Variants in CSMD1 observed in about 807,000 individuals in gnomAD.
CSMD1 encodes CUB and sushi domain-containing protein 1.
In CSMD1, 213 loss-of-function variants were observed where a neutral mutation model predicts 417.5. The ratio of observed to expected loss-of-function variants is 0.51; its 90% CI spans 0.46 to 0.57. CSMD1 has a LOEUF of 0.57. Among genes scored for constraint, CSMD1 ranks in the 20% least tolerant of loss-of-function variants. The probability of loss-of-function intolerance (pLI) is 0.00; values close to 1 mark genes in which losing one functional copy is unlikely to be tolerated. For synonymous variants in CSMD1, 2,862 were observed against 1,736.8 expected (o/e 1.65, Z -16.11); for missense variants, 6,923 against 4,529.7 (o/e 1.53, Z -15.17).
At chr8:3,696,564 A>G (rs1397406048) in intron 7 of CSMD1, among the ~76,000 whole-genome samples, 1 of 152,206 alleles carries the variant, frequency 6.6e-6, no homozygotes, top group Non-Finnish European at 1.5e-5. Context: ...ATTTAATCCA[A>G]TTAGTGTGGT....
At chr8:4,131,339 A>G (rs916729275) in intron 3 of CSMD1, among the ~76,000 whole-genome samples, 7 of 152,156 alleles carry the variant, frequency 4.6e-5, no homozygotes, top group African/African-American at 1.7e-4. Flanking sequence ...TTCATCTTCC[A>G]CTTGGTGACA....
intron 5 of CSMD1, among the ~76,000 whole-genome samples, chr8:3,982,197 A>AATAAT (rs199836458): frequency 3.8e-5 from 4 of 105,540 alleles, no homozygotes; most frequent in Admixed American, 2.5e-4. Context: ...TAATATTAAT[A>AATAAT]AAAAAAATAA....
chr8:4,904,591 A>T (rs539016212), intron 1 of CSMD1, among the ~76,000 whole-genome samples: 1 of 152,138 alleles, frequency 6.6e-6, no homozygotes, highest in African/African-American at 2.4e-5. Context: ...AGTGAATATC[A>T]TTAAGCACAT....
intron 54 of CSMD1, among the ~76,000 whole-genome samples, chr8:2,985,089 C>T (rs957588146): frequency 3.3e-5 from 5 of 152,108 alleles, no homozygotes; most frequent in South Asian, 2.1e-4. Flanking sequence ...GGCCTCAAAG[C>T]GACTCAAAAT....
chr8:4,190,044 G>C (rs1647308), intron 3 of CSMD1, among the ~76,000 whole-genome samples: 2 of 151,524 alleles, frequency 1.3e-5, no homozygotes, highest in African/African-American at 4.9e-5. Flanking sequence ...AGAACACGAG[G>C]TCAGGAGATC....
intron 1 of CSMD1, among the ~76,000 whole-genome samples, chr8:4,951,630 C>T (rs981493253): frequency 2.7e-5 from 4 of 150,502 alleles, no homozygotes; most frequent in Admixed American, 6.6e-5. Flanking sequence ...CTGTGAATGA[C>T]TTCTGGGACT....
intron 3 of CSMD1, among the ~76,000 whole-genome samples, chr8:4,335,756 G>C (rs914589756): frequency 6.6e-6 from 1 of 152,080 alleles, no homozygotes; most frequent in Non-Finnish European, 1.5e-5. Context: ...CAACAAGATA[G>C]AGTCATCAAT....
At chr8:3,504,955 A>G (rs943177374) in intron 10 of CSMD1, among the ~76,000 whole-genome samples, 2 of 152,130 alleles carry the variant, frequency 1.3e-5, no homozygotes, top group Non-Finnish European at 2.9e-5. Flanking sequence ...AAGCACAACA[A>G]CAAAGATTAA....
At chr8:3,903,416 A>C (rs2129134930) in intron 5 of CSMD1, among the ~76,000 whole-genome samples, 1 of 152,326 alleles carries the variant, frequency 6.6e-6, no homozygotes, top group Non-Finnish European at 1.5e-5. Context: ...CCAGAGCATT[A>C]ATATTAATGT....
At chr8:3,878,041 T>C (rs1805947339) in intron 5 of CSMD1, among the ~76,000 whole-genome samples, 1 of 152,090 alleles carries the variant, frequency 6.6e-6, no homozygotes, top group African/African-American at 2.4e-5. Context: ...AGTACCTCCA[T>C]CTAATTACAT....
At chr8:4,910,435 C>T (rs1805584320) in intron 1 of CSMD1, among the ~76,000 whole-genome samples, 7 of 152,050 alleles carry the variant, frequency 4.6e-5, no homozygotes, top group Admixed American at 4.6e-4. Context: ...CTGAGAAGTC[C>T]AGGATCAAGT....
intron 10 of CSMD1, among the ~76,000 whole-genome samples, chr8:3,524,364 C>T (rs182165881): frequency 6.0e-4 from 91 of 151,796 alleles, no homozygotes; most frequent in Non-Finnish European, 9.9e-4. Flanking sequence ...GACAGGCGCA[C>T]ACAAGTGCAC....
intron 1 of CSMD1, among the ~76,000 whole-genome samples, chr8:4,747,534 T>C (rs1676943): frequency 0.2 from 29,678 of 152,116 alleles, 3,750 homozygotes; most frequent in African/African-American, 0.36. Context: ...TACACTGATA[T>C]TTGTCTTAAT....
At chr8:3,483,790 A>G (rs1817873879) in intron 11 of CSMD1, among the ~76,000 whole-genome samples, 1 of 152,300 alleles carries the variant, frequency 6.6e-6, no homozygotes, top group Non-Finnish European at 1.5e-5. Context: ...ATTATACTCA[A>G]TCATGAAGTA....
At chr8:4,993,886 C>T (rs1316135600) in intron 1 of CSMD1, among the ~76,000 whole-genome samples, 3 of 152,116 alleles carry the variant, frequency 2.0e-5, no homozygotes, top group Admixed American at 2.0e-4. Context: ...AGAGCCCGAA[C>T]TTTCCAGGCC....
intron 3 of CSMD1, among the ~76,000 whole-genome samples, chr8:4,288,266 C>CA (rs1292204167): frequency 6.6e-6 from 1 of 152,160 alleles, no homozygotes; most frequent in Non-Finnish European, 1.5e-5. Flanking sequence ...GACATGCCCC[C>CA]ACTGGGAACA....
chr8:4,060,576 G>C (rs1257849653), intron 3 of CSMD1, among the ~76,000 whole-genome samples: 5 of 152,138 alleles, frequency 3.3e-5, no homozygotes, highest in Non-Finnish European at 7.4e-5. Flanking sequence ...TGAGTTCCAG[G>C]GGAAGGTCAT....
At chr8:4,142,427 T>C (rs771421673) in intron 3 of CSMD1, among the ~76,000 whole-genome samples, 41 of 151,186 alleles carry the variant, frequency 2.7e-4, no homozygotes, top group Non-Finnish European at 3.7e-4. Flanking sequence ...CCTGCTACCA[T>C]AACAGAACTA....
Position 3,348,015 on chromosome 8 carries a change from G to A in CSMD1, c.3451C>T (p.Leu1151=), listed in dbSNP as rs1237998341. ...GIHLRTRSFQ[L]FEGDTLKVYD... ...ACCTTTAGAGTATCTCCTTCAAACA[G>A]CTGGAAGCTTCGTGTTCTAAGGTGG... The change falls in exon 22 of 70, where the codon CTG becomes TTG. Residue 1151 remains leucine, a synonymous_variant. Coordinates refer to ENST00000635120, the MANE Select transcript of CSMD1 (RefSeq NM_033225.6). The A allele has an allele frequency of 1.9e-6, 3 of 1,604,272 alleles. No homozygotes were observed. Among genetic ancestry groups the A allele is most frequent in the East Asian group, 2.2e-5 (1 of 44,632 alleles).
Sources: allele counts gnomAD v4.1 joint callset (sites outside exome capture counted in the v4.1 genomes callset), GRCh38; gene constraint gnomAD v4.1.1; transcripts MANE v1.5; gene names NCBI Gene and HGNC (gene_info 2026-07-23, HGNC 2026-07-21).